NEBL: variants seen among roughly 807,000 people sequenced by gnomAD.
The protein encoded by NEBL is nebulette.
In NEBL, 122 loss-of-function variants were observed where a neutral mutation model predicts 140.2. That is an observed-to-expected ratio of 0.87 (90% confidence interval 0.75 to 1.01). NEBL has a LOEUF of 1.01. NEBL is among the 50% of genes least tolerant of loss of function. The probability of loss-of-function intolerance (pLI) is 0.00; values close to 1 mark genes in which losing one functional copy is unlikely to be tolerated. For missense variants in NEBL, 1,365 were observed against 1,231.3 expected (o/e 1.11, Z -1.62); for synonymous variants, 436 against 398.9 (o/e 1.09, Z -1.11).
chr10:21,059,975 C>T (rs913686934), intron 2 of NEBL, among the ~76,000 whole-genome samples: 1 of 152,164 alleles, frequency 6.6e-6, no homozygotes. Flanking sequence ...GATACAATAG[C>T]ATTGGGGTAC....
At chr10:21,064,881 G>A (rs1431043634) in intron 2 of NEBL, among the ~76,000 whole-genome samples, 3 of 151,458 alleles carry the variant, frequency 2.0e-5, no homozygotes, top group Non-Finnish European at 2.9e-5. Context: ...ATCTGAGAAA[G>A]GAAATTAGGT....
chr10:21,055,808 C>T (rs1231170685), intron 2 of NEBL, among the ~76,000 whole-genome samples: 1 of 152,108 alleles, frequency 6.6e-6, no homozygotes. Flanking sequence ...AGCCACCATG[C>T]CGATGAGGGT....
chr10:21,190,495 C>T (rs778752519), intron 3 of NEBL, among the ~76,000 whole-genome samples: 11 of 152,002 alleles, frequency 7.2e-5, no homozygotes, highest in Non-Finnish European at 1.5e-4. Context: ...AATTAAAAAA[C>T]AACCAAAAAA....
intron 11 of NEBL, among the ~76,000 whole-genome samples, chr10:20,849,103 C>A (rs989924186): frequency 6.6e-6 from 1 of 152,078 alleles, no homozygotes; most frequent in African/African-American, 2.4e-5. Context: ...GACCAGCATC[C>A]ACTATTTCTA....
At position 20,815,697 on chromosome 10, in the gene NEBL, C is replaced by T; in HGVS notation, c.2169G>A (p.Leu723=). The part of the protein sequence containing the change: ...NISNVYYRGQ[L]GRATTLSVTP... ...TTACACTTAAAGTGGTAGCTCTTCC[C>T]AGCTGACCTCTGTAATAAACCTATC... is the stretch of plus-strand genomic sequence containing the variant. Residue 723 remains leucine (L), a synonymous_variant, in exon 22 of 28, where the codon CTG becomes CTA. Coordinates refer to ENST00000377122, the MANE Select transcript of NEBL (RefSeq NM_006393.3). 6.2e-7 allele frequency: 1 copy of T among 1,608,136 alleles called. No homozygotes were observed. Among genetic ancestry groups the T allele is most frequent in the Non-Finnish European group, 8.5e-7 (1 of 1,174,766 alleles).
At chr10:21,214,480 CA>C (rs1041961495) in intron 3 of NEBL, among the ~76,000 whole-genome samples, 25 of 151,562 alleles carry the variant, frequency 1.6e-4, no homozygotes, top group African/African-American at 5.1e-4. Flanking sequence ...CACATGCACA[CA>C]CACGCGCACA....
chr10:21,051,900 T>C (rs578205650), intron 2 of NEBL, among the ~76,000 whole-genome samples: 1 of 152,222 alleles, frequency 6.6e-6, no homozygotes, highest in Non-Finnish European at 1.5e-5. Flanking sequence ...GAGGGTGTGG[T>C]GGTGTGCTGG....
At chr10:21,070,886 T>C (rs1223543564) in intron 2 of NEBL, among the ~76,000 whole-genome samples, 1 of 152,128 alleles carries the variant, frequency 6.6e-6, no homozygotes, top group Non-Finnish European at 1.5e-5. Flanking sequence ...CTTTTAGAAA[T>C]GATTTAGGCC....
chr10:20,814,750 A>T (rs896927447), intron 22 of NEBL, among the ~76,000 whole-genome samples: 74 of 152,238 alleles, frequency 4.9e-4, no homozygotes, highest in African/African-American at 1.7e-3. Flanking sequence ...GTGTTAAAAA[A>T]TGCATACAAG....
At chr10:21,249,831 A>C (rs1842564070) in intron 2 of NEBL, among the ~76,000 whole-genome samples, 2 of 152,118 alleles carry the variant, frequency 1.3e-5, no homozygotes, top group African/African-American at 2.4e-5. Context: ...CGGGAGGCTG[A>C]GGTGGGTGGA....
At chr10:20,788,781 G>A (rs1038284649) in intron 26 of NEBL, among the ~76,000 whole-genome samples, 7 of 152,104 alleles carry the variant, frequency 4.6e-5, no homozygotes, top group African/African-American at 1.7e-4. Flanking sequence ...AGATGTTAAA[G>A]ATATTGTCAA....
chr10:20,852,541 G>T lies in NEBL; in HGVS notation c.1008+4C>A. The T allele has an allele frequency of 6.2e-7, 1 of 1,608,726 alleles. No homozygotes were observed. The highest frequency in any genetic ancestry group is 8.5e-7 in the Non-Finnish European group (1 of 1,176,270). ...GGGTAGGTACCGTACGGGCAAGTGTGTACCTGACTTTGGAGGACGGCATTG... is the reference window on the plus strand; with the variant it reads ...GGGTAGGTACCGTACGGGCAAGTGTTTACCTGACTTTGGAGGACGGCATTG... On this transcript the variant is annotated splice_donor_region_variant and intron_variant, in intron 10 of 27. Coordinates refer to ENST00000377122, the MANE Select transcript of NEBL (RefSeq NM_006393.3).
intron 20 of NEBL, chr10:20,818,687 T>C (rs924356100): frequency 4.9e-6 from 3 of 612,284 alleles, no homozygotes; most frequent in South Asian, 7.3e-5. Context: ...TCCTTGAGGA[T>C]AGAAAGTGGG....
In NEBL at chr10:21,173,309, A is replaced by G. The variant is rs1472048208; in HGVS notation, c.69+456T>C. ...GCCGCCCCATGACATATTAATTACT[A>G]TTTGCCTCTCCCCCTCGCCGCGGTC... is the stretch of plus-strand genomic sequence containing the variant. On this transcript the variant is annotated intron_variant, in intron 1 of 6. Transcript: ENST00000417816. The surrounding 1 kb of genome is among the most constrained non-coding windows in gnomAD (Gnocchi z 5.7). Among the ~76,000 whole-genome samples the G allele has an allele frequency of 6.8e-6, 1 of 147,794 alleles. No homozygotes were observed. Among genetic ancestry groups the G allele is most frequent in the Non-Finnish European group, 1.5e-5 (1 of 67,186 alleles).
At chr10:21,214,259 A>G (rs1841956419) in intron 3 of NEBL, among the ~76,000 whole-genome samples, 1 of 151,558 alleles carries the variant, frequency 6.6e-6, no homozygotes, top group Non-Finnish European at 1.5e-5. Context: ...TTTTCAAATT[A>G]AAAATTTGTA....
In NEBL at chr10:21,038,737, T is replaced by C. The variant is rs866071617; in HGVS notation, c.165-18536A>G. Among the ~76,000 whole-genome samples, 9 of 152,178 alleles carry C rather than the reference T, an allele frequency of 5.9e-5. No individual in the cohort carries two copies. In the South Asian group the frequency reaches 1.7e-3, roughly 28 times the overall value. On this transcript the variant is annotated intron_variant, in intron 2 of 6. Transcript: ENST00000417816. ...TTTGAGTATATACGCAGTAATGGGA[T>C]TGCTGGGTCAAATGGGATTTCTGGC...
intron 2 of NEBL, among the ~76,000 whole-genome samples, chr10:21,148,302 A>T (rs558936193): frequency 6.6e-6 from 1 of 152,270 alleles, no homozygotes; most frequent in African/African-American, 2.4e-5. Context: ...CACTCCCAGG[A>T]CGCTTGTTAT....
chr10:21,064,901 A>G (rs554946671), intron 2 of NEBL, among the ~76,000 whole-genome samples: 4 of 152,092 alleles, frequency 2.6e-5, no homozygotes, highest in African/African-American at 9.6e-5. Flanking sequence ...TGGTTTGGAC[A>G]AGCAGGAAAA....
intron 12 of NEBL, among the ~76,000 whole-genome samples, chr10:20,842,558 C>T (rs2130985512): frequency 6.6e-6 from 1 of 152,086 alleles, no homozygotes; most frequent in Non-Finnish European, 1.5e-5. Flanking sequence ...TCAAATTAGA[C>T]AAGCTATAAC....
Sources: allele counts gnomAD v4.1 joint callset (sites outside exome capture counted in the v4.1 genomes callset), GRCh38; gene constraint gnomAD v4.1.1; non-coding constraint Gnocchi (gnomAD v3.1); transcripts MANE v1.5; gene names NCBI Gene and HGNC (gene_info 2026-07-23, HGNC 2026-07-21).